GHR: variants seen among roughly 807,000 people sequenced by gnomAD.
GHR encodes growth hormone receptor, also known as GH receptor.
GHR carries 35 observed loss-of-function variants against 67.1 expected under a neutral mutation model. That is an observed-to-expected ratio of 0.52 (90% CI 0.40 to 0.69). GHR has a LOEUF of 0.69. GHR is among the 30% of genes least tolerant of loss of function. The probability of loss-of-function intolerance (pLI) is 0.00; values close to 1 mark genes in which losing one functional copy is unlikely to be tolerated. For missense variants in GHR, 792 were observed against 764.6 expected (o/e 1.04, Z -0.42); for synonymous variants, 272 against 269.1 (o/e 1.01, Z -0.10).
At chr5:42,549,758 G>T in intron 1 of GHR, 1 of 639,626 alleles carries the variant, frequency 1.6e-6, no homozygotes, top group Non-Finnish European at 1.9e-6. Context: ...AGTACTGGGG[G>T]GTTTGAAACA....
intron 2 of GHR, among the ~76,000 whole-genome samples, chr5:42,571,497 A>G (rs1685320737): frequency 6.6e-6 from 1 of 152,206 alleles, no homozygotes; most frequent in Non-Finnish European, 1.5e-5. Context: ...AATAAAATAT[A>G]TGCAGGATGA....
At chr5:42,571,121 G>A (rs1750282886) in intron 2 of GHR, among the ~76,000 whole-genome samples, 1 of 152,216 alleles carries the variant, frequency 6.6e-6, no homozygotes, top group Non-Finnish European at 1.5e-5. Flanking sequence ...CACGTTTAAT[G>A]CAGTGAAGTC....
intron 2 of GHR, among the ~76,000 whole-genome samples, chr5:42,599,759 C>T (rs1752272231): frequency 6.6e-6 from 1 of 152,050 alleles, no homozygotes. Flanking sequence ...CTTTTGTGTC[C>T]AGCTTCTTTT....
intron 2 of GHR, among the ~76,000 whole-genome samples, chr5:42,586,822 T>G (rs537860416): frequency 6.6e-6 from 1 of 151,996 alleles, no homozygotes; most frequent in African/African-American, 2.4e-5. Flanking sequence ...CAAAGCCAAA[T>G]GAAGGTGCAG....
intron 1 of GHR, among the ~76,000 whole-genome samples, chr5:42,520,585 G>T (rs764749369): frequency 2.3e-4 from 35 of 152,098 alleles, no homozygotes; most frequent in Non-Finnish European, 4.4e-4. Context: ...GATTATTAGG[G>T]TCATGATTGT....
rs545024135 is a variant in GHR, at chr5:42,582,186, A to T, written c.70+16242A>T. Among the ~76,000 whole-genome samples the T allele has an allele frequency of 2.6e-4, 40 of 152,352 alleles. No individual in the cohort carries two copies. In the East Asian group the frequency reaches 5.8e-3, roughly 22 times the overall value. ...CCTGGGTGCTGTGGATGACATGTAG[A>T]TGGTGGCAGAAGGCAGACAGGCTCC... On this transcript the variant is annotated intron_variant, in intron 2 of 9. Coordinates refer to ENST00000230882, the MANE Select transcript of GHR (RefSeq NM_000163.5).
intron 1 of GHR, among the ~76,000 whole-genome samples, chr5:42,471,655 T>G (rs1306263603): frequency 1.3e-5 from 2 of 152,214 alleles, no homozygotes; most frequent in Non-Finnish European, 2.9e-5. Flanking sequence ...TTCCTGAGGA[T>G]TAAATGATTT....
intron 9 of GHR, 140 bp downstream of exon 9, chr5:42,718,261 A>G: frequency 1.4e-6 from 1 of 720,152 alleles, no homozygotes; most frequent in Non-Finnish European, 2.4e-6. Flanking sequence ...AATTTTTTTA[A>G]ATATTCTATT....
intron 2 of GHR, among the ~76,000 whole-genome samples, chr5:42,574,692 A>C (rs2112518191): frequency 6.6e-6 from 1 of 152,362 alleles, no homozygotes; most frequent in Admixed American, 6.5e-5. Flanking sequence ...TTAAGGGAAA[A>C]AAATGGAAGA....
intron 1 of GHR, chr5:42,467,249 AC>A (rs1231194876): frequency 7.3e-7 from 1 of 1,364,244 alleles, no homozygotes; most frequent in Non-Finnish European, 1.0e-6. Context: ...ATTATCTGGT[AC>A]ATAATAAGGT....
chr5:42,570,964 A>G (rs563977455), intron 2 of GHR, among the ~76,000 whole-genome samples: 1 of 152,328 alleles, frequency 6.6e-6, no homozygotes, highest in African/African-American at 2.4e-5. Context: ...ATGGATCACA[A>G]ACACGGGGAT....
chr5:42,675,110 A>G (rs962991048), intron 3 of GHR, among the ~76,000 whole-genome samples: 2 of 152,234 alleles, frequency 1.3e-5, no homozygotes, highest in East Asian at 1.9e-4. Flanking sequence ...TTGTTTTTGC[A>G]TAGTCATTCA....
Position 42,699,877 on chromosome 5 carries a change from A to G in GHR, c.493A>G (p.Thr165Ala), listed in dbSNP as rs978510143. The G allele has an allele frequency of 6.2e-7, 1 of 1,609,828 alleles. No individual in the cohort carries two copies. The highest frequency in any genetic ancestry group is 8.5e-7 in the Non-Finnish European group (1 of 1,176,134). ...LNWTLLNVSL[T>A]GIHADIQVRW... ...CTGGACTTTACTGAACGTCAGTTTA[A>G]CTGGGATTCATGCAGATATCCAAGT... Residue 165 changes from threonine (T) to alanine (A), a missense_variant, in exon 6 of 10, where the codon ACT becomes GCT. Coordinates refer to ENST00000230882, the MANE Select transcript of GHR (RefSeq NM_000163.5).
chr5:42,716,537 C>T (rs1370329187), intron 8 of GHR, among the ~76,000 whole-genome samples: 1 of 152,206 alleles, frequency 6.6e-6, no homozygotes, highest in African/African-American at 2.4e-5. Flanking sequence ...ATTTTATCTA[C>T]ACAAACATGT....
intron 1 of GHR, among the ~76,000 whole-genome samples, chr5:42,528,350 A>G (rs897613728): frequency 6.6e-6 from 1 of 152,184 alleles, no homozygotes; most frequent in African/African-American, 2.4e-5. Context: ...GAAGAAGTTG[A>G]TTCCAATTCT....
At chr5:42,621,475 A>G (rs528485116) in intron 2 of GHR, among the ~76,000 whole-genome samples, 1 of 152,106 alleles carries the variant, frequency 6.6e-6, no homozygotes. Context: ...ACCAAGCAGA[A>G]CACTGCTAGA....
intron 2 of GHR, among the ~76,000 whole-genome samples, chr5:42,596,592 G>A (rs573635569): frequency 1.1e-4 from 17 of 152,236 alleles, no homozygotes; most frequent in African/African-American, 3.9e-4. Flanking sequence ...TGTGATTAGG[G>A]GCCAGGATAC....
At chr5:42,703,923 G>A (rs1029133089) in intron 6 of GHR, among the ~76,000 whole-genome samples, 11 of 151,792 alleles carry the variant, frequency 7.2e-5, no homozygotes, top group African/African-American at 2.7e-4. Context: ...TTGTTTATCT[G>A]TTCTAGCAAT....
intron 3 of GHR, among the ~76,000 whole-genome samples, chr5:42,636,135 G>GGGA (rs1481787617): frequency 6.7e-6 from 1 of 148,544 alleles, no homozygotes; most frequent in African/African-American, 2.5e-5. Flanking sequence ...GCGTGAACCC[G>GGGA]GGAGGCGGAG....
Sources: gnomAD v4.1 joint callset for allele counts (sites outside exome capture counted in the v4.1 genomes callset) on GRCh38, gnomAD v4.1.1 for gene constraint, MANE v1.5 for transcripts, NCBI Gene and HGNC (gene_info 2026-07-23, HGNC 2026-07-21) for gene names.